The following SLIT3 variants were observed in gnomAD, a reference collection of about 807,000 sequenced individuals.
SLIT3 encodes slit guidance ligand 3, also known as slit homolog 3 protein.
A neutral mutation model predicts 184.0 loss-of-function variants in SLIT3; 68 were observed. That is an observed-to-expected ratio of 0.37 (90% CI 0.30 to 0.45). The LOEUF is 0.45. Ranked by LOEUF, SLIT3 falls within the 20% of genes least tolerant of loss-of-function variation. The probability of loss-of-function intolerance (pLI) is 1.00; values close to 1 mark genes in which losing one functional copy is unlikely to be tolerated. For synonymous variants in SLIT3, 831 were observed against 828.6 expected, an observed-to-expected ratio of 1.00 and a Z score of -0.05; for missense variants, 1,707 against 2,026.0, an observed-to-expected ratio of 0.84 and a Z score of 3.02.
chr5:169,075,058 C>T (rs1758686595), intron 4 of SLIT3, among the ~76,000 whole-genome samples: 1 of 152,116 alleles, frequency 6.6e-6, no homozygotes, highest in Admixed American at 6.5e-5. Flanking sequence ...TCACAGAAGG[C>T]CAACTGTCAA....
chr5:168,932,419 TTTC>T (rs1198328211), intron 4 of SLIT3, among the ~76,000 whole-genome samples: 3 of 148,078 alleles, frequency 2.0e-5, no homozygotes, highest in Non-Finnish European at 4.5e-5. Flanking sequence ...CACACAGAGA[TTTC>T]TTCTTTGTAA....
chr5:168,751,331 G>C (rs1754694373), intron 18 of SLIT3, among the ~76,000 whole-genome samples: 1 of 152,192 alleles, frequency 6.6e-6, no homozygotes, highest in Non-Finnish European at 1.5e-5. Flanking sequence ...TTAGAGACGG[G>C]ACAATAAACC....
chr5:169,145,846 G>A (rs190493750), intron 4 of SLIT3, among the ~76,000 whole-genome samples: 10 of 152,266 alleles, frequency 6.6e-5, no homozygotes, highest in East Asian at 5.8e-4. Context: ...TCAGGAGCTC[G>A]AGGCCAGCCT....
chr5:168,749,535 T>C lies in SLIT3; in HGVS notation c.2074A>G (p.Lys692Glu). 1 of 1,614,198 alleles carries C rather than the reference T, an allele frequency of 6.2e-7. No individual in the cohort carries two copies. The highest frequency in any genetic ancestry group is 1.6e-4 in the Middle Eastern group (1 of 6,062). Residue 692 changes from lysine to glutamate, a missense_variant, in exon 19 of 36, where the codon AAG becomes GAG. Physicochemically the swap from Lys to Glu is moderately conservative, Grantham distance 56. Coordinates refer to ENST00000519560, the MANE Select transcript of SLIT3 (RefSeq NM_003062.4). ...GGAATCTCCTTGAGGAAAAATGGCT[T>C]CTGGCACCTAGGGTTCCCACTGACG... The part of the protein sequence containing the change: ...RIVSGNPRCQ[K>E]PFFLKEIPIQ...
At position 168,725,037 on chromosome 5, in the gene SLIT3, T is replaced by C. The variant is rs112600052; in HGVS notation, c.2271-553A>G. ...CATGATTAAGAACCCTAATTCAATG[T>C]TGACTATCTCTGATGTACATTTGGA... On this transcript the variant is annotated intron_variant, in intron 20 of 35. Transcript: ENST00000519560. 5.2e-3 allele frequency among the ~76,000 whole-genome samples: 788 copies of C among 152,276 alleles called. 1 individual carries two copies. The highest frequency in any genetic ancestry group is 8.4e-3 in the Non-Finnish European group (573 of 68,030).
intron 4 of SLIT3, among the ~76,000 whole-genome samples, chr5:169,119,495 C>A (rs1760805509): frequency 6.6e-6 from 1 of 152,236 alleles, no homozygotes; most frequent in Admixed American, 6.5e-5. Context: ...GCTAATTCAT[C>A]TCCAAGGAAT....
At chr5:168,789,675 G>A in intron 10 of SLIT3, 44 bp from the exon 11 acceptor site, 2 of 1,449,796 alleles carry the variant, frequency 1.4e-6, no homozygotes, top group African/African-American at 1.4e-5. Context: ...GCTCAAAGGT[G>A]CGATAACGGT....
At chr5:168,872,985 C>G (rs1581165500) in intron 5 of SLIT3, among the ~76,000 whole-genome samples, 1 of 152,158 alleles carries the variant, frequency 6.6e-6, no homozygotes, top group Non-Finnish European at 1.5e-5. Context: ...CTTGGAAATT[C>G]TGTCCCAACT....
At chr5:168,924,849 G>A (rs932424062) in intron 4 of SLIT3, among the ~76,000 whole-genome samples, 6 of 152,252 alleles carry the variant, frequency 3.9e-5, no homozygotes, top group Admixed American at 2.6e-4. Flanking sequence ...AATTGGCAAA[G>A]TTGTTTTCTT....
intron 4 of SLIT3, among the ~76,000 whole-genome samples, chr5:168,977,560 G>T (rs1476796814): frequency 6.6e-6 from 1 of 152,104 alleles, no homozygotes; most frequent in Non-Finnish European, 1.5e-5. Flanking sequence ...CATGACATTT[G>T]AATTACAGAC....
chr5:169,123,432 C>CA lies in SLIT3; in HGVS notation c.413+70046dup, dbSNP rs925568047. 5.6e-4 allele frequency among the ~76,000 whole-genome samples: 81 copies of CA among 144,620 alleles called. 1 individual carries two copies. Among genetic ancestry groups the CA allele is most frequent in the Non-Finnish European group, 7.0e-4 (46 of 65,514 alleles). The allele number at this position is 144,620 out of a possible 152,430, so 94.9% of individuals were successfully genotyped here. ...CAATAAACCAGCTAGATCAATTTTC[C>CA]AAAAAAAAAAATTCAACTTGTTTGT... On this transcript the variant is annotated intron_variant, in intron 4 of 35. Transcript: ENST00000519560.
chr5:168,851,453 TC>T lies in SLIT3; in HGVS notation c.486-6799del, dbSNP rs1758677763. ...GAACAACAATAACAAAACAAACAAA[TC>T]CAAAGCAAATCAAACGAAAACACCT... is the stretch of plus-strand genomic sequence containing the variant. On this transcript the variant is annotated intron_variant, in intron 5 of 35. Transcript: ENST00000519560. Among the ~76,000 whole-genome samples, 5 of 151,736 alleles carry T rather than the reference TC, an allele frequency of 3.3e-5. No individual in the cohort carries two copies. In the South Asian group the frequency reaches 1.0e-3, roughly 32 times the overall value.
chr5:169,233,512 T>C (rs1418314173), intron 3 of SLIT3, among the ~76,000 whole-genome samples: 2 of 152,082 alleles, frequency 1.3e-5, no homozygotes, highest in Non-Finnish European at 2.9e-5. Context: ...GCTTAATACT[T>C]AGGTGATGGG....
At position 169,130,623 on chromosome 5, in the gene SLIT3, A is replaced by G. The variant is rs773177969; in HGVS notation, c.413+62856T>C. On this transcript the variant is annotated intron_variant, in intron 4 of 35. Transcript: ENST00000519560. ...AAACAGTGCCTAGCCCAAAGTAGGC[A>G]CCTGATAAATATTTGTTACATGAGC... Among the ~76,000 whole-genome samples the G allele has an allele frequency of 2.7e-4, 41 of 152,234 alleles. 1 individual carries two copies. The highest frequency in any genetic ancestry group is 1.0e-4 in the Non-Finnish European group (7 of 68,046).
At chr5:169,123,756 C>T (rs1226714470) in intron 4 of SLIT3, among the ~76,000 whole-genome samples, 2 of 152,152 alleles carry the variant, frequency 1.3e-5, no homozygotes, top group Non-Finnish European at 2.9e-5. Context: ...GCAATGGCTA[C>T]CAAGAGGTGG....
Position 169,228,169 on chromosome 5 carries a change from C to T in SLIT3, c.341+16536G>A, listed in dbSNP as rs143332479. Among the ~76,000 whole-genome samples, 306 of 152,234 alleles carry T rather than the reference C, an allele frequency of 2.0e-3. 1 individual carries two copies. The highest frequency in any genetic ancestry group is 0.01 in the Middle Eastern group (3 of 294). On this transcript the variant is annotated intron_variant, in intron 3 of 35. Coordinates refer to ENST00000519560, the MANE Select transcript of SLIT3 (RefSeq NM_003062.4). ...TAAATAAAACAGTACAAGAACCAATCACATATATTTAATTGCATTTTATTT... is the reference window on the plus strand; with the variant it reads ...TAAATAAAACAGTACAAGAACCAATTACATATATTTAATTGCATTTTATTT...
intron 4 of SLIT3, among the ~76,000 whole-genome samples, chr5:169,146,294 C>A (rs751258769): frequency 2.6e-5 from 4 of 152,332 alleles, no homozygotes; most frequent in Middle Eastern, 3.4e-3. Context: ...AAACGTATTC[C>A]CTCTTAAGCA....
chr5:169,230,892 A>T (rs1011833127), intron 3 of SLIT3, among the ~76,000 whole-genome samples: 1 of 152,182 alleles, frequency 6.6e-6, no homozygotes, highest in African/African-American at 2.4e-5. Context: ...AAATGGTCAA[A>T]CTTACAGAAA....
Position 169,237,666 on chromosome 5 carries a change from G to A in SLIT3, c.341+7039C>T, listed in dbSNP as rs148225439. ...TCACCCTAATGAAAGAAGCTGTTGA[G>A]TATGTTTTTGTATGCTTACTTGCCA... On this transcript the variant is annotated intron_variant, in intron 3 of 35. Coordinates refer to ENST00000519560, the MANE Select transcript of SLIT3 (RefSeq NM_003062.4). Among the ~76,000 whole-genome samples, 12 of 152,250 alleles carry A rather than the reference G, an allele frequency of 7.9e-5. No homozygotes were observed. In the East Asian group the frequency reaches 2.1e-3, roughly 27 times the overall value.
Sources: gnomAD v4.1 joint callset for allele counts (sites outside exome capture counted in the v4.1 genomes callset) on GRCh38, gnomAD v4.1.1 for gene constraint, MANE v1.5 for transcripts, NCBI Gene and HGNC (gene_info 2026-07-23, HGNC 2026-07-21) for gene names.